Variants in USP9Y observed in about 807,000 individuals in gnomAD.
The protein encoded by USP9Y is ubiquitin specific peptidase 9 Y-linked.
A neutral mutation model predicts 53.1 loss-of-function variants in USP9Y; 41 were observed. That is an observed-to-expected ratio of 0.77 (90% CI 0.60 to 1.00). The LOEUF (loss-of-function observed/expected upper bound fraction) is 1.00, where lower values mean the gene tolerates loss of function less well. USP9Y is among the 50% of genes least tolerant of loss of function. USP9Y has a pLI of 0.00. For synonymous variants in USP9Y, 220 were observed against 173.7 expected (o/e 1.27, Z -2.09); for missense variants, 567 against 535.8 (o/e 1.06, Z -0.58).
chrY:12,842,389 T>C lies in USP9Y; in HGVS notation c.6362T>C (p.Ile2121Thr). The stretch of plus-strand genomic sequence containing the variant: ...GTGAGGGGTGCATTTGCAAAACTTA[T>C]AGTGTTTATTGCACACTTTTCCTTG... ...AEVRGAFAKL[I>T]VFIAHFSLQD... Residue 2121 changes from isoleucine (I) to threonine (T), a missense_variant, in exon 38 of 46, where the codon ATA (isoleucine) becomes ACA (threonine). Transcript: ENST00000338981. 2.5e-6 allele frequency: 1 copy of C among 398,376 alleles called. No individual in the cohort carries two copies. The highest frequency in any genetic ancestry group is 3.5e-6 in the Non-Finnish European group (1 of 283,356).
intron 42 of USP9Y, among the ~76,000 whole-genome samples, chrY:12,851,620 T>C: frequency 3.5e-5 from 1 of 28,672 alleles, no homozygotes; most frequent in Non-Finnish European, 8.2e-5. Context: ...CTTGATGATC[T>C]TTACAATTTG....
intron 42 of USP9Y, among the ~76,000 whole-genome samples, chrY:12,848,989 G>C: frequency 1.8e-4 from 6 of 33,494 alleles, no homozygotes; most frequent in Admixed American, 1.6e-3. Flanking sequence ...TTCCAATTCT[G>C]TGAAGAAAGT....
intron 1 of USP9Y, among the ~76,000 whole-genome samples, chrY:12,703,717 C>T (rs2053417759): frequency 3.0e-5 from 1 of 33,557 alleles, no homozygotes; most frequent in African/African-American, 1.2e-4. Context: ...CTGGGTGTAG[C>T]CAGCTTTTAT....
intron 3 of USP9Y, among the ~76,000 whole-genome samples, chrY:12,710,331 AT>A (rs2053423741): frequency 2.7e-4 from 9 of 33,720 alleles, no homozygotes; most frequent in Non-Finnish European, 4.4e-4. Context: ...TTTTTGTAAG[AT>A]ACATGAAGCT....
intron 13 of USP9Y, among the ~76,000 whole-genome samples, chrY:12,758,301 A>G: frequency 1.2e-4 from 4 of 33,787 alleles, no homozygotes; most frequent in Non-Finnish European, 2.9e-4. Context: ...AAATTTATAG[A>G]AGCGCCTTAC....
Position 12,773,776 on chromosome Y carries a change from C to T in USP9Y, c.2182C>T (p.Leu728Phe). Residue 728 changes from leucine to phenylalanine, a missense_variant, in exon 17 of 46, where the codon CTT becomes TTT. Leu to Phe is a conservative substitution (Grantham distance 22). Coordinates refer to ENST00000338981, the MANE Select transcript of USP9Y (RefSeq NM_004654.4). ...CTTCTTTGAAAGTAATGTACTTCAG[C>T]TTGATCCTTCCCTTTTAACTGAAAA... Reference protein sequence around the residue: ...KDFFESNVLQLDPSLLTENGM... With the variant: ...KDFFESNVLQFDPSLLTENGM... 2.5e-6 allele frequency: 1 copy of T among 398,383 alleles called. No homozygotes were observed. The highest frequency in any genetic ancestry group is 3.5e-6 in the Non-Finnish European group (1 of 283,389).
chrY:12,779,666 C>T lies in USP9Y; in HGVS notation c.3151+20C>T. 2.5e-6 allele frequency: 1 copy of T among 392,443 alleles called. No individual in the cohort carries two copies. Among genetic ancestry groups the T allele is most frequent in the Non-Finnish European group, 3.6e-6 (1 of 278,168 alleles). ...CACCAGGTAAGAAAATGGTCCATCC[C>T]CCTATTCCACAGAAAGGATGCTCAT... On this transcript the variant is annotated intron_variant, in intron 22 of 45. Transcript: ENST00000338981.
Position 12,839,866 on chromosome Y carries a change from T to C in USP9Y, c.5340T>C (p.Val1780=). Residue 1780 remains valine, a splice_region_variant and synonymous_variant, in exon 36 of 46, where the codon GTT becomes GTC. Transcript: ENST00000338981. ...AYHCEKCDKK[V]DTVKRLLIKK... ...TTTATATTCTCTGTTTATTATAGGT[T>C]GACACAGTAAAGCGCCTGCTAATTA... is the stretch of plus-strand genomic sequence containing the variant. 2.5e-6 allele frequency: 1 copy of C among 398,037 alleles called. No homozygotes were observed. The highest frequency in any genetic ancestry group is 3.0e-5 in the South Asian group (1 of 33,768).
chrY:12,789,379 C>A, intron 24 of USP9Y, among the ~76,000 whole-genome samples: 1 of 32,878 alleles, frequency 3.0e-5, no homozygotes, highest in Non-Finnish European at 7.4e-5. Flanking sequence ...TGCCTATAAT[C>A]CCAGCATTTT....
At chrY:12,773,457 A>G (rs2053488071) in intron 16 of USP9Y, 126 bp from the exon 17 acceptor site, 1 of 177,603 alleles carries the variant, frequency 5.6e-6, no homozygotes, top group East Asian at 1.1e-4. Context: ...TTATTTTGAA[A>G]GAATTCATAT....
At chrY:12,757,760 A>G (rs370029907) in intron 13 of USP9Y, among the ~76,000 whole-genome samples, 96 of 33,552 alleles carry the variant, frequency 2.9e-3, no homozygotes, top group African/African-American at 0.011. Context: ...TGCTGGGATT[A>G]CAGGCGTCAG....
intron 12 of USP9Y, among the ~76,000 whole-genome samples, chrY:12,743,663 T>G (rs888243501): frequency 2.4e-4 from 8 of 33,792 alleles, no homozygotes; most frequent in Non-Finnish European, 5.1e-4. Context: ...TTAGGCATAC[T>G]GTATCTGACA....
Position 12,821,143 on chromosome Y carries a change from C to CA in USP9Y, c.5021+2540dup, listed in dbSNP as rs796937681. Among the ~76,000 whole-genome samples the CA allele has an allele frequency of 1.6e-3, 54 of 32,976 alleles. No individual in the cohort carries two copies. The East Asian group carries it at 0.03, about 18-fold the overall frequency. 88.5% of individuals were successfully genotyped at this position (32,976 alleles called of 37,273 possible). Reference sequence around the variant, plus strand: ...TTTGGTTCCAGGACATTTTCCTCACCAAAAAAAGAGGTTCCCTGCTCATTA... The same window carrying CA: ...TTTGGTTCCAGGACATTTTCCTCACCAAAAAAAAGAGGTTCCCTGCTCATTA... On this transcript the variant is annotated intron_variant, in intron 33 of 45. Transcript: ENST00000338981.
chrY:12,726,502 A>G, intron 6 of USP9Y, 73 bp from the exon 7 acceptor site: 1 of 253,292 alleles, frequency 3.9e-6, no homozygotes, highest in Non-Finnish European at 6.5e-6. Flanking sequence ...GAGATTATTA[A>G]TAAAAATTAA....
chrY:12,722,395 T>TAC (rs2053436800), intron 5 of USP9Y, among the ~76,000 whole-genome samples: 3 of 31,945 alleles, frequency 9.4e-5, no homozygotes, highest in Non-Finnish European at 1.5e-4. Flanking sequence ...TATATATATA[T>TAC]ACACACACAC....
chrY:12,745,580 CT>C (rs2053460170), intron 12 of USP9Y, among the ~76,000 whole-genome samples: 1 of 33,850 alleles, frequency 3.0e-5, no homozygotes, highest in Admixed American at 2.7e-4. Flanking sequence ...GAAACAAACC[CT>C]CCAGTCAAAA....
rs778110503 is a variant in USP9Y, at chrY:12,840,081, A to G, written c.5555A>G (p.Lys1852Arg). ...VNSENELIEQ[K>R]EQSDNETAGG... Reference sequence around the variant, plus strand: ...TCAGAAAATGAGTTGATTGAACAGAAAGAGCAGTCTGACAATGAAACTGCA... The same window carrying G: ...TCAGAAAATGAGTTGATTGAACAGAGAGAGCAGTCTGACAATGAAACTGCA... Residue 1852 changes from lysine to arginine, a missense_variant, in exon 36 of 46, where the codon AAA becomes AGA. Coordinates refer to ENST00000338981, the MANE Select transcript of USP9Y (RefSeq NM_004654.4). 4.8e-5 allele frequency: 19 copies of G among 398,965 alleles called. No individual in the cohort carries two copies. Among genetic ancestry groups the G allele is most frequent in the Non-Finnish European group, 6.7e-5 (19 of 283,622 alleles).
Position 12,860,787 on chromosome Y carries a change from G to A in USP9Y, c.*1371G>A. 1 of 34,073 alleles carries A rather than the reference G, an allele frequency of 2.9e-5. No individual in the cohort carries two copies. The highest frequency in any genetic ancestry group is 1.1e-4 in the African/African-American group (1 of 8,827). 8.5% of individuals were successfully genotyped at this position (34,073 alleles called of 400,897 possible). ...TCCTATACTATTTAAATGTTTGGCT[G>A]TTTTGTTTTATAGAAATTATTTTGC... On this transcript the variant is annotated 3_prime_UTR_variant, in exon 46 of 46. Transcript: ENST00000338981.
intron 15 of USP9Y, among the ~76,000 whole-genome samples, chrY:12,770,793 C>T (rs984950879): frequency 3.0e-5 from 1 of 32,984 alleles, no homozygotes; most frequent in Non-Finnish European, 7.4e-5. Context: ...GTAAAAAAAT[C>T]GTAGGCTGTA....
Sources: gnomAD v4.1 joint callset for allele counts (sites outside exome capture counted in the v4.1 genomes callset) on GRCh38, gnomAD v4.1.1 for gene constraint, MANE v1.5 for transcripts, NCBI Gene and HGNC (gene_info 2026-07-23, HGNC 2026-07-21) for gene names.